ASPM: variants seen among roughly 807,000 people sequenced by gnomAD.
ASPM encodes the protein assembly factor for spindle microtubules, also known as abnormal spindle-like microcephaly-associated protein.
A neutral mutation model predicts 366.4 loss-of-function variants in ASPM; 256 were observed. That is an observed-to-expected ratio of 0.70 (90% CI 0.63 to 0.77). The LOEUF is 0.77. Among genes scored for constraint, ASPM ranks in the 30% least tolerant of loss-of-function variants. ASPM has a pLI of 0.00. For synonymous variants in ASPM, 1,414 were observed against 1,342.9 expected (o/e 1.05, Z -1.16); for missense variants, 4,146 against 4,090.4 (o/e 1.01, Z -0.37).
At chr1:197,091,728 G>A (rs1246740260) in intron 22 of ASPM, among the ~76,000 whole-genome samples, 179 bp downstream of exon 22, 1 of 151,972 alleles carries the variant, frequency 6.6e-6, no homozygotes, top group Non-Finnish European at 1.5e-5. Flanking sequence ...CACAACTTTA[G>A]TACTGTGCCA....
chr1:197,124,016 A>G, intron 13 of ASPM, 94 bp downstream of exon 13: 2 of 1,098,730 alleles, frequency 1.8e-6, no homozygotes. Context: ...TGAACTAAGA[A>G]ATTCAAGAAA....
At position 197,122,009 on chromosome 1, in the gene ASPM, C is replaced by T. The variant is rs199874115; in HGVS notation, c.3776G>A (p.Arg1259Lys). ...VITYLSFLCA[R>K]LLDLRKEIRA... ...TATTTCTTTACGAAGATCCAAAAGC[C>T]TTGCACAAAGAAATGACAAATAGGT... Residue 1259 changes from arginine (R) to lysine (K), a missense_variant, in exon 16 of 28, where the codon AGG becomes AAG. Arg to Lys is a conservative substitution (Grantham distance 26). This residue lies in a region of ASPM where 3,624 missense variants were observed against 3,591.7 expected (regional missense o/e 1.01). Coordinates refer to ENST00000367409, the MANE Select transcript of ASPM (RefSeq NM_018136.5). 101 of 1,612,276 alleles carry T rather than the reference C, an allele frequency of 6.3e-5. No individual in the cohort carries two copies. The highest frequency in any genetic ancestry group is 8.2e-5 in the Non-Finnish European group (97 of 1,178,790).
intron 4 of ASPM, among the ~76,000 whole-genome samples, chr1:197,136,642 A>T (rs1658427667): frequency 6.6e-6 from 1 of 152,132 alleles, no homozygotes; most frequent in Non-Finnish European, 1.5e-5. Flanking sequence ...AATATACACA[A>T]AAGGAAATGA....
rs1657533271 is a variant in ASPM at position 197,109,918 on chromosome 1, T to A, written c.4066-4733A>T. Among the ~76,000 whole-genome samples the A allele has an allele frequency of 3.3e-5, 5 of 152,042 alleles. No homozygotes were observed. The South Asian group carries it at 1.0e-3, about 31-fold the overall frequency. On this transcript the variant is annotated intron_variant, in intron 17 of 27. Transcript: ENST00000367409. ...TATGAATCTAACAAAAAGCTGATGA[T>A]GAACAACTCAAAGATCTAAATAAAT...
Position 197,130,032 on chromosome 1 carries a change from A to T in ASPM, c.2512T>A (p.Leu838Met). Reference sequence around the variant, plus strand: ...CCTGTGACATCACTGTTATCTTCCAAAGATATGAGTTCTCCATAAGTTGTC... The same window carrying T: ...CCTGTGACATCACTGTTATCTTCCATAGATATGAGTTCTCCATAAGTTGTC... ...LETTYGELIS[L>M]EDNSDVTGLA... Residue 838 changes from leucine to methionine, a missense_variant, in exon 8 of 28, where the codon TTG becomes ATG. By Grantham distance (15) the Leu-to-Met change is conservative. This residue lies in a region of ASPM where 3,624 missense variants were observed against 3,591.7 expected (regional missense o/e 1.01). Coordinates refer to ENST00000367409, the MANE Select transcript of ASPM (RefSeq NM_018136.5). The T allele has an allele frequency of 6.2e-7, 1 of 1,613,906 alleles. No individual in the cohort carries two copies. Among genetic ancestry groups the T allele is most frequent in the South Asian group, 1.1e-5 (1 of 91,072 alleles).
In ASPM at chr1:197,142,668, A is replaced by C; in HGVS notation, c.1584T>G (p.His528Gln). ...KRCLNSAVGE[H>Q]EKVINNQKEK... is the part of the protein sequence containing the mutation. ...CCTTTTGATTATTTATTACTTTTTC[A>C]TGTTCACCCACTGCACTGTTGAGAC... Residue 528 changes from histidine to glutamine, a missense_variant, in exon 3 of 28, where the codon CAT becomes CAG. By Grantham distance (24) the His-to-Gln change is conservative. Transcript: ENST00000367409. 6.2e-7 allele frequency: 1 copy of C among 1,612,956 alleles called. No individual in the cohort carries two copies.
At chr1:197,139,078 C>G in intron 4 of ASPM, 1 of 749,136 alleles carries the variant, frequency 1.3e-6, no homozygotes, top group East Asian at 2.5e-5. Flanking sequence ...ATCTGTAAAG[C>G]CCATTTTCTG....
intron 18 of ASPM, among the ~76,000 whole-genome samples, chr1:197,098,942 T>C (rs990026469): frequency 6.6e-6 from 1 of 151,584 alleles, no homozygotes; most frequent in Non-Finnish European, 1.5e-5. Context: ...CTTCAGATCT[T>C]ATATACTCCA....
chr1:197,109,306 T>G (rs1457216516), intron 17 of ASPM, among the ~76,000 whole-genome samples: 2 of 152,060 alleles, frequency 1.3e-5, no homozygotes, highest in Non-Finnish European at 2.9e-5. Context: ...CAAGTGGAAT[T>G]AATGAAATAT....
chr1:197,118,337 T>C (rs2125102665), intron 16 of ASPM, among the ~76,000 whole-genome samples: 1 of 152,218 alleles, frequency 6.6e-6, no homozygotes, highest in East Asian at 1.9e-4. Flanking sequence ...GATTAACTTT[T>C]AGGAAAGGGG....
intron 17 of ASPM, among the ~76,000 whole-genome samples, chr1:197,107,666 A>G (rs983551012): frequency 6.6e-6 from 1 of 150,888 alleles, no homozygotes; most frequent in African/African-American, 2.5e-5. Context: ...AAAATGCTAC[A>G]ACAAGTTGAA....
rs757488628 is a variant in ASPM, at chr1:197,133,607, C to T, written c.2174-12G>A. 1.2e-6 allele frequency: 2 copies of T among 1,611,084 alleles called. No homozygotes were observed. The highest frequency in any genetic ancestry group is 3.3e-4 in the Middle Eastern group (2 of 6,036). ...AGTAGCAGCATTTACTGGGTAAAAA[C>T]AAAAGAAAGAATGTTTCTGGTTAAA... is the stretch of plus-strand genomic sequence containing the variant. On this transcript the variant is annotated splice_polypyrimidine_tract_variant and intron_variant, in intron 5 of 27. Coordinates refer to ENST00000367409, the MANE Select transcript of ASPM (RefSeq NM_018136.5).
rs1657180830 is a variant in ASPM, at chr1:197,101,520, C to T, written c.7731G>A (p.Gln2577=). The change falls in exon 18 of 28, where the codon CAG becomes CAA. Residue 2577 remains glutamine, a synonymous_variant. Transcript: ENST00000367409. The stretch of plus-strand genomic sequence containing the variant: ...TTTCTTGTATGATTTTTGTAGCCCA[C>T]TGAAGCTTTTGGTAGAAACAATACT... ...YRQYCFYQKL[Q]WATKIIQEKY... 1 of 1,609,448 alleles carries T rather than the reference C, an allele frequency of 6.2e-7. No homozygotes were observed.
Position 197,146,375 on chromosome 1 carries a change from G to A in ASPM, c.63C>T (p.Pro21=), listed in dbSNP as rs767019617. Residue 21 remains proline, a synonymous_variant, in exon 1 of 28, where the codon CCC becomes CCT. Transcript: ENST00000367409. ...CGGCCGCGGGGCCCCGCAGCCCCGC[G>A]GGCGGCCTCCGCTCGGTCGGGCTCA... ...WEVSPTERRP[P]AGLRGPAAEE... is the part of the protein sequence containing the mutation. 4 of 1,607,702 alleles carry A rather than the reference G, an allele frequency of 2.5e-6. No individual in the cohort carries two copies. Among genetic ancestry groups the A allele is most frequent in the Non-Finnish European group, 3.4e-6 (4 of 1,178,460 alleles).
In ASPM at chr1:197,124,922, C is replaced by A; in HGVS notation, c.3116G>T (p.Arg1039Met). ...CAACCTGAGAGTTTTTTCTCTGTGC[C>A]TATCCACAATATCCTTAGATAGAAT... ...NTILSKDIVD[R>M]HREKTLRLLW... is the part of the protein sequence containing the mutation. The change falls in exon 12 of 28, where the codon AGG (arginine) becomes ATG (methionine). Residue 1039 changes from arginine (R) to methionine (M), a missense_variant. Coordinates refer to ENST00000367409, the MANE Select transcript of ASPM (RefSeq NM_018136.5). 1 of 1,612,332 alleles carries A rather than the reference C, an allele frequency of 6.2e-7. No individual in the cohort carries two copies. Among genetic ancestry groups the A allele is most frequent in the Non-Finnish European group, 8.5e-7 (1 of 1,178,586 alleles).
At chr1:197,117,621 T>G (rs1657774776) in intron 17 of ASPM, among the ~76,000 whole-genome samples, 168 bp downstream of exon 17, 1 of 152,154 alleles carries the variant, frequency 6.6e-6, no homozygotes, top group Non-Finnish European at 1.5e-5. Flanking sequence ...GTTTCAGCCT[T>G]CTGCTGAACA....
chr1:197,122,017 A>C lies in ASPM; in HGVS notation c.3768T>G (p.Leu1256=). 6.2e-7 allele frequency: 1 copy of C among 1,612,580 alleles called. No individual in the cohort carries two copies. The highest frequency in any genetic ancestry group is 8.5e-7 in the Non-Finnish European group (1 of 1,178,996). ...TACGAAGATCCAAAAGCCTTGCACA[A>C]AGAAATGACAAATAGGTAATAACCA... The part of the protein sequence containing the change: ...EKVVITYLSF[L]CARLLDLRKE... The change falls in exon 16 of 28, where the codon CTT becomes CTG. Residue 1256 remains leucine (L), a synonymous_variant. Transcript: ENST00000367409.
At chr1:197,132,902 ATT>A (rs755633270) in intron 6 of ASPM, among the ~76,000 whole-genome samples, 3 of 152,128 alleles carry the variant, frequency 2.0e-5, no homozygotes, top group Non-Finnish European at 4.4e-5. Context: ...GTATGATCTC[ATT>A]TATATGTGAA....
rs1257258525 is a variant in ASPM at position 197,090,255 on chromosome 1, A to T, written c.9770T>A (p.Leu3257His). 6.2e-7 allele frequency: 1 copy of T among 1,613,430 alleles called. No individual in the cohort carries two copies. The highest frequency in any genetic ancestry group is 8.5e-7 in the Non-Finnish European group (1 of 1,179,686). ...NKLYKRTALA[L>H]HYLLTYKHLS... ...GTGCTTATATGTCAAAAGGTAATGAAGTGCAAGTGCAGTTCTTTTGTAGAG... is the reference window on the plus strand; with the variant it reads ...GTGCTTATATGTCAAAAGGTAATGATGTGCAAGTGCAGTTCTTTTGTAGAG... The change falls in exon 24 of 28, where the codon CTT (leucine) becomes CAT (histidine). Residue 3257 changes from leucine to histidine, a missense_variant. This residue lies in a region of ASPM where 3,624 missense variants were observed against 3,591.7 expected (regional missense o/e 1.01). Transcript: ENST00000367409.
Sources: allele counts gnomAD v4.1 joint callset (sites outside exome capture counted in the v4.1 genomes callset), GRCh38; gene constraint gnomAD v4.1.1; regional missense constraint gnomAD v4.1.1; transcripts MANE v1.5; gene names NCBI Gene and HGNC (gene_info 2026-07-23, HGNC 2026-07-21).